The following SPDEF variants were observed in gnomAD, a reference collection of about 807,000 sequenced individuals.
The protein encoded by SPDEF is SAM pointed domain-containing Ets transcription factor.
Under a neutral mutation model 36.0 loss-of-function variants are expected in SPDEF, and 12 were observed. The ratio of observed to expected loss-of-function variants is 0.33; its 90% CI spans 0.21 to 0.54. The LOEUF is 0.54. SPDEF is among the 20% of genes least tolerant of loss of function. SPDEF has a pLI of 0.93. For synonymous variants in SPDEF, 205 were observed against 193.0 expected, an observed-to-expected ratio of 1.06 and a Z score of -0.51; for missense variants, 388 against 456.9, an observed-to-expected ratio of 0.85 and a Z score of 1.37.
At chr6:34,547,234 T>C (rs1767974022) in intron 1 of SPDEF, among the ~76,000 whole-genome samples, 1 of 152,102 alleles carries the variant, frequency 6.6e-6, no homozygotes, top group African/African-American at 2.4e-5. Flanking sequence ...GGCATGGTTG[T>C]GTGGGGTCGG....
Position 34,555,090 on chromosome 6 carries a change from C to T in SPDEF, c.-30+839G>A, listed in dbSNP as rs1057165371. Among the ~76,000 whole-genome samples the T allele has an allele frequency of 2.0e-5, 3 of 151,858 alleles. No individual in the cohort carries two copies. The highest frequency in any genetic ancestry group is 7.3e-5 in the African/African-American group (3 of 41,328). On this transcript the variant is annotated intron_variant, in intron 1 of 5. Coordinates refer to ENST00000374037, the MANE Select transcript of SPDEF (RefSeq NM_012391.3). The surrounding 1 kb of genome is among the most constrained non-coding windows in gnomAD (Gnocchi z 5.2). ...CACATGCACATGCAACACGCACGCG[C>T]ACATGCACACACCACACACACACAT...
At chr6:34,553,131 G>C (rs1005703126) in intron 1 of SPDEF, among the ~76,000 whole-genome samples, 1 of 152,136 alleles carries the variant, frequency 6.6e-6, no homozygotes, top group African/African-American at 2.4e-5. Context: ...CCCCAGCAGA[G>C]TCACACTAAG....
intron 1 of SPDEF, among the ~76,000 whole-genome samples, chr6:34,547,262 G>A (rs1767974739): frequency 6.6e-6 from 1 of 151,622 alleles, no homozygotes; most frequent in African/African-American, 2.4e-5. Context: ...GAATGGGCAG[G>A]GCAGGTGGCA....
Position 34,538,471 on chromosome 6 carries a change from G to C in SPDEF, c.830-19C>G. 1 of 1,599,112 alleles carries C rather than the reference G, an allele frequency of 6.3e-7. No homozygotes were observed. Among genetic ancestry groups the C allele is most frequent in the South Asian group, 1.1e-5 (1 of 89,724 alleles). Reference sequence around the variant, plus strand: ...AAGATGCCTAGAGCAGGAGGGCCCCGAGAGAGCCAGTGGTATGAGTGAGGT... The same window carrying C: ...AAGATGCCTAGAGCAGGAGGGCCCCCAGAGAGCCAGTGGTATGAGTGAGGT... On this transcript the variant is annotated intron_variant, in intron 5 of 5. Coordinates refer to ENST00000374037, the MANE Select transcript of SPDEF (RefSeq NM_012391.3). This position sits in a 1 kb window ranked among gnomAD's most constrained non-coding sequence, Gnocchi z 5.9.
In SPDEF at chr6:34,539,532, C is replaced by A. The variant is rs1423828580; in HGVS notation, c.665G>T (p.Gly222Val). Residue 222 changes from glycine (G) to valine (V), a missense_variant, in exon 4 of 6, where the codon GGG (glycine) becomes GTG (valine). Coordinates refer to ENST00000374037, the MANE Select transcript of SPDEF (RefSeq NM_012391.3). This position sits in a 1 kb window ranked among gnomAD's most constrained non-coding sequence, Gnocchi z 5.2. ...AAWMKERTSPGAIHYCASTSE... is the reference protein window; with the variant it reads ...AAWMKERTSPVAIHYCASTSE... ...TGGCTCACCACAGTAGTGAATCGCC[C>A]CAGGTGAAGTCCGCTCTTTCATCCA... The A allele has an allele frequency of 3.2e-6, 5 of 1,574,994 alleles. No individual in the cohort carries two copies. The highest frequency in any genetic ancestry group is 4.3e-6 in the Non-Finnish European group (5 of 1,161,054).
In SPDEF at chr6:34,544,193, T is replaced by G. The variant is rs938768299; in HGVS notation, c.263A>C (p.Glu88Ala). The change falls in exon 2 of 6, where the codon GAG becomes GCG. Residue 88 changes from glutamate to alanine, a missense_variant. By Grantham distance (107) the Glu-to-Ala change is moderately radical (BLOSUM62 -1). Transcript: ENST00000374037. The surrounding 1 kb of genome is among the most constrained non-coding windows in gnomAD (Gnocchi z 4.4). ...AATGACCGGGCACTGCTCAGGCTCCTCAGGTGGCTCCTCCCGACTGCTGGC... is the reference window on the plus strand; with the variant it reads ...AATGACCGGGCACTGCTCAGGCTCCGCAGGTGGCTCCTCCCGACTGCTGGC... ...PGASSREEPP[E>A]EPEQCPVIDS... is the part of the protein sequence containing the mutation. The G allele has an allele frequency of 4.3e-6, 7 of 1,613,866 alleles. No individual in the cohort carries two copies. The highest frequency in any genetic ancestry group is 4.0e-5 in the African/African-American group (3 of 75,062).
intron 1 of SPDEF, among the ~76,000 whole-genome samples, chr6:34,545,829 T>G (rs1767941445): frequency 6.6e-6 from 1 of 151,400 alleles, no homozygotes; most frequent in Non-Finnish European, 1.5e-5. Context: ...GGGAGGAGAA[T>G]CACTTGAACC....
chr6:34,544,852 C>T lies in SPDEF; in HGVS notation c.-29-368G>A, dbSNP rs950354686. Among the ~76,000 whole-genome samples, 2 of 152,242 alleles carry T rather than the reference C, an allele frequency of 1.3e-5. No individual in the cohort carries two copies. Among genetic ancestry groups the T allele is most frequent in the Non-Finnish European group, 2.9e-5 (2 of 68,040 alleles). ...TTGCGCCATTTGGCGGATGAGCAAA[C>T]TGAGGTGGGAACAAGGGGCCCTCAG... On this transcript the variant is annotated intron_variant, in intron 1 of 5. Coordinates refer to ENST00000374037, the MANE Select transcript of SPDEF (RefSeq NM_012391.3). This position sits in a 1 kb window ranked among gnomAD's most constrained non-coding sequence, Gnocchi z 4.4.
At position 34,539,606 on chromosome 6, in the gene SPDEF, G is replaced by A. The variant is rs372246298; in HGVS notation, c.635-44C>T. On this transcript the variant is annotated intron_variant, in intron 3 of 5. Coordinates refer to ENST00000374037, the MANE Select transcript of SPDEF (RefSeq NM_012391.3). This position sits in a 1 kb window ranked among gnomAD's most constrained non-coding sequence, Gnocchi z 5.2. The stretch of plus-strand genomic sequence containing the variant: ...GGGTTGGGGACCCAGGAGAGGCCCC[G>A]AGGGTGGAGGAGGGGAGGCGTTTGG... The A allele has an allele frequency of 3.8e-5, 59 of 1,546,942 alleles. No homozygotes were observed. The highest frequency in any genetic ancestry group is 4.5e-5 in the Non-Finnish European group (52 of 1,144,834).
Position 34,539,481 on chromosome 6 carries a change from G to GC in SPDEF, c.682+33dup, listed in dbSNP as rs1767769854. ...GCAGCCACCCCTCCACCCCACCCGA[G>GC]CCCCCGCCTCCACCCTGCCGCTGCC... On this transcript the variant is annotated intron_variant, in intron 4 of 5. Transcript: ENST00000374037. The surrounding 1 kb of genome is among the most constrained non-coding windows in gnomAD (Gnocchi z 5.2). 2 of 1,572,998 alleles carry GC rather than the reference G, an allele frequency of 1.3e-6. No individual in the cohort carries two copies. The highest frequency in any genetic ancestry group is 1.4e-5 in the African/African-American group (1 of 73,784).
intron 1 of SPDEF, among the ~76,000 whole-genome samples, chr6:34,549,475 AC>A (rs1200840425): frequency 3.3e-5 from 5 of 151,916 alleles, no homozygotes; most frequent in Non-Finnish European, 7.4e-5. Context: ...TGCCCCTTGA[AC>A]CCTTTGCCTC....
Position 34,538,572 on chromosome 6 carries a change from C to T in SPDEF, c.830-120G>A, listed in dbSNP as rs1767744648. ...AGGGACCCCGTGCAGAGGCCTCCCC[C>T]TGCTCGGGTGGGGCGGGGTGTGGGG... On this transcript the variant is annotated intron_variant, in intron 5 of 5. Coordinates refer to ENST00000374037, the MANE Select transcript of SPDEF (RefSeq NM_012391.3). The surrounding 1 kb of genome is among the most constrained non-coding windows in gnomAD (Gnocchi z 5.9). 9.8e-7 allele frequency: 1 copy of T among 1,017,714 alleles called. No individual in the cohort carries two copies. Among genetic ancestry groups the T allele is most frequent in the Non-Finnish European group, 1.4e-6 (1 of 699,872 alleles). 63.0% of individuals were successfully genotyped at this position (1,017,714 alleles called of 1,614,324 possible).
chr6:34,551,153 C>T (rs373875347), intron 1 of SPDEF, among the ~76,000 whole-genome samples: 68 of 151,952 alleles, frequency 4.5e-4, no homozygotes, highest in African/African-American at 1.5e-3. Flanking sequence ...TCTGCTGGTG[C>T]TGGCAGACCC....
Position 34,539,616 on chromosome 6 carries a change from G to A in SPDEF, c.635-54C>T, listed in dbSNP as rs1767775625. On this transcript the variant is annotated intron_variant, in intron 3 of 5. Transcript: ENST00000374037. The surrounding 1 kb of genome is among the most constrained non-coding windows in gnomAD (Gnocchi z 5.2). ...CCCAGGAGAGGCCCCGAGGGTGGAG[G>A]AGGGGAGGCGTTTGGGTGGGACTGT... 5.2e-6 allele frequency: 8 copies of A among 1,543,942 alleles called. No homozygotes were observed. Among genetic ancestry groups the A allele is most frequent in the African/African-American group, 2.7e-5 (2 of 73,054 alleles).
In SPDEF at chr6:34,539,409, G is replaced by A. The variant is rs890098331; in HGVS notation, c.683-13C>T. 1 of 1,613,098 alleles carries A rather than the reference G, an allele frequency of 6.2e-7. No individual in the cohort carries two copies. Among genetic ancestry groups the A allele is most frequent in the Non-Finnish European group, 8.5e-7 (1 of 1,179,898 alleles). On this transcript the variant is annotated splice_polypyrimidine_tract_variant and intron_variant, in intron 4 of 5. Coordinates refer to ENST00000374037, the MANE Select transcript of SPDEF (RefSeq NM_012391.3). The surrounding 1 kb of genome is among the most constrained non-coding windows in gnomAD (Gnocchi z 5.2). ...TCACTGGTCGAGGCTGGGTGGCCAG[G>A]GAGGGTGGCGGTGAGTGGGAATGGG...
chr6:34,554,141 C>T (rs1382936611), intron 1 of SPDEF, among the ~76,000 whole-genome samples: 1 of 152,138 alleles, frequency 6.6e-6, no homozygotes, highest in Non-Finnish European at 1.5e-5. Flanking sequence ...TCCTTCTTGC[C>T]CTCCACCTTG....
rs758658860 is a variant in SPDEF, at chr6:34,544,306, C to G, written c.150G>C (p.Thr50=). 3.0e-5 allele frequency: 48 copies of G among 1,610,862 alleles called. No individual in the cohort carries two copies. Among genetic ancestry groups the G allele is most frequent in the Non-Finnish European group, 3.6e-5 (42 of 1,179,800 alleles). Residue 50 remains threonine (T), a synonymous_variant, in exon 2 of 6, where the codon ACG becomes ACC. Transcript: ENST00000374037. This position sits in a 1 kb window ranked among gnomAD's most constrained non-coding sequence, Gnocchi z 4.4. ...AGAAGGCGGACAGGCCCTGCTCGGG[C>G]GTGGCGGGTGGACTGGGACTCCAGT... ...RRDWSPSPPA[T]PEQGLSAFYL... is the part of the protein sequence containing the mutation.
chr6:34,553,025 C>T (rs901043285), intron 1 of SPDEF, among the ~76,000 whole-genome samples: 1 of 152,120 alleles, frequency 6.6e-6, no homozygotes, highest in Non-Finnish European at 1.5e-5. Flanking sequence ...CCTCCAGCCA[C>T]GTCTCCCCTG....
chr6:34,555,554 A>G lies in SPDEF; in HGVS notation c.-30+375T>C, dbSNP rs929234535. Among the ~76,000 whole-genome samples the G allele has an allele frequency of 2.0e-5, 3 of 152,166 alleles. No homozygotes were observed. The highest frequency in any genetic ancestry group is 7.2e-5 in the African/African-American group (3 of 41,454). On this transcript the variant is annotated intron_variant, in intron 1 of 5. Transcript: ENST00000374037. This position sits in a 1 kb window ranked among gnomAD's most constrained non-coding sequence, Gnocchi z 5.2. ...TCCTCAGCAGAGCAGCTGGGTTGGC[A>G]GCAGCAGCAAGCCGCTTGTGTTTCT...
Sources: allele counts gnomAD v4.1 joint callset (sites outside exome capture counted in the v4.1 genomes callset), GRCh38; gene constraint gnomAD v4.1.1; non-coding constraint Gnocchi (gnomAD v3.1); transcripts MANE v1.5; gene names NCBI Gene and HGNC (gene_info 2026-07-23, HGNC 2026-07-21).